RYR2: variants seen among roughly 807,000 people sequenced by gnomAD.
The protein encoded by RYR2 is cardiac muscle ryanodine receptor-calcium release channel.
Under a neutral mutation model 601.1 loss-of-function variants are expected in RYR2, and 227 were observed. The ratio of observed to expected loss-of-function variants is 0.38; its 90% CI spans 0.34 to 0.42. The LOEUF is 0.42. Among genes scored for constraint, RYR2 ranks in the 10% least tolerant of loss-of-function variants. RYR2 has a pLI of 1.00. For synonymous variants in RYR2, 2,223 were observed against 2,175.1 expected, an observed-to-expected ratio of 1.02 and a Z score of -0.61; for missense variants, 4,646 against 6,156.5, an observed-to-expected ratio of 0.75 and a Z score of 8.21.
Position 237,265,850 on chromosome 1 carries a change from A to G in RYR2, c.49-4647A>G, listed in dbSNP as rs542389307. 9.2e-5 allele frequency among the ~76,000 whole-genome samples: 14 copies of G among 152,328 alleles called. No individual in the cohort carries two copies. In the South Asian group the frequency reaches 2.9e-3, roughly 32 times the overall value. ...AAATTGATGGATTGGAAAAGTGTTG[A>G]TGGAGTAGAATCCACAGGACTTGGT... On this transcript the variant is annotated intron_variant, in intron 1 of 104. Coordinates refer to ENST00000366574, the MANE Select transcript of RYR2 (RefSeq NM_001035.3).
chr1:237,358,392 C>T (rs1438781375), intron 4 of RYR2, among the ~76,000 whole-genome samples: 2 of 152,016 alleles, frequency 1.3e-5, no homozygotes, highest in East Asian at 1.9e-4. Flanking sequence ...GTCTGCCACT[C>T]TCAGGTGCTG....
At chr1:237,153,124 T>C (rs1415377985) in intron 1 of RYR2, among the ~76,000 whole-genome samples, 1 of 152,140 alleles carries the variant, frequency 6.6e-6, no homozygotes, top group Non-Finnish European at 1.5e-5. Flanking sequence ...CCAATTAGGA[T>C]GCTCTTGCAT....
intron 48 of RYR2, among the ~76,000 whole-genome samples, chr1:237,647,711 G>T (rs541729379): frequency 2.0e-5 from 3 of 152,266 alleles, no homozygotes; most frequent in East Asian, 3.9e-4. Flanking sequence ...ACAGTGTGTG[G>T]TCAGCACCAG....
In RYR2 at chr1:237,581,485, A is replaced by T. The variant is rs1673909714; in HGVS notation, c.3599-8308A>T. Among the ~76,000 whole-genome samples the T allele has an allele frequency of 4.6e-5, 7 of 152,200 alleles. No individual in the cohort carries two copies. The South Asian group carries it at 1.5e-3, about 32-fold the overall frequency. On this transcript the variant is annotated intron_variant, in intron 29 of 104. Transcript: ENST00000366574. ...CTGTAGACAGAAAAGAAAATAAAAA[A>T]GAGAGGCAGGGAAAACTTTCCATTA...
chr1:237,130,836 G>A (rs1261240806), intron 1 of RYR2, among the ~76,000 whole-genome samples: 1 of 152,120 alleles, frequency 6.6e-6, no homozygotes, highest in Non-Finnish European at 1.5e-5. Flanking sequence ...TTATTTATAT[G>A]ATCAATTTTT....
intron 1 of RYR2, among the ~76,000 whole-genome samples, chr1:237,062,067 T>C (rs1015355377): frequency 2.6e-5 from 4 of 152,220 alleles, no homozygotes; most frequent in African/African-American, 9.6e-5. Flanking sequence ...ATCTATTACT[T>C]GACTCTCTTT....
At chr1:237,596,329 A>T (rs1675890147) in intron 34 of RYR2, among the ~76,000 whole-genome samples, 1 of 152,208 alleles carries the variant, frequency 6.6e-6, no homozygotes, top group African/African-American at 2.4e-5. Flanking sequence ...TCTGAATGAG[A>T]TATTCAATGA....
At chr1:237,708,610 C>A in intron 68 of RYR2, among the ~76,000 whole-genome samples, 1 of 151,694 alleles carries the variant, frequency 6.6e-6, no homozygotes, top group East Asian at 1.9e-4. Context: ...TCTTTTTTTT[C>A]ATTCTAAATT....
chr1:237,682,751 A>G (rs1198177550), intron 62 of RYR2, among the ~76,000 whole-genome samples: 1 of 152,184 alleles, frequency 6.6e-6, no homozygotes, highest in African/African-American at 2.4e-5. Context: ...CTAATAGAAA[A>G]AGCGTTGGTA....
chr1:237,058,272 G>A (rs1180818748), intron 1 of RYR2, among the ~76,000 whole-genome samples: 2 of 152,192 alleles, frequency 1.3e-5, no homozygotes, highest in African/African-American at 2.4e-5. Flanking sequence ...TGATTCTGCT[G>A]GTAGTGACTG....
intron 61 of RYR2, 47 bp from the exon 62 acceptor site, chr1:237,680,409 C>T: frequency 1.9e-6 from 3 of 1,571,136 alleles, no homozygotes; most frequent in Non-Finnish European, 2.6e-6. Flanking sequence ...CATTCATCCC[C>T]TGAAAGATTC....
At chr1:237,101,116 T>A (rs1466749297) in intron 1 of RYR2, among the ~76,000 whole-genome samples, 1 of 152,154 alleles carries the variant, frequency 6.6e-6, no homozygotes, top group Non-Finnish European at 1.5e-5. Context: ...CTAATGGCTC[T>A]GCTGTCTCAG....
chr1:237,242,790 C>T (rs899960994), intron 1 of RYR2, among the ~76,000 whole-genome samples: 1 of 152,106 alleles, frequency 6.6e-6, no homozygotes, highest in East Asian at 1.9e-4. Context: ...GTTGTCAATG[C>T]TGTGTTGATT....
chr1:237,769,972 A>C lies in RYR2; in HGVS notation c.11477-835A>C, dbSNP rs559869870. ...AGTAACTTGTGATCAAGATACCTTT[A>C]AATTGAAATACAAGTAAACTGAGCC... On this transcript the variant is annotated intron_variant, in intron 84 of 104. Transcript: ENST00000366574. 1.2e-4 allele frequency among the ~76,000 whole-genome samples: 18 copies of C among 152,280 alleles called. No homozygotes were observed. The East Asian group carries it at 3.3e-3, about 28-fold the overall frequency.
intron 2 of RYR2, among the ~76,000 whole-genome samples, chr1:237,305,814 G>A (rs1195975395): frequency 6.6e-6 from 1 of 152,200 alleles, no homozygotes; most frequent in African/African-American, 2.4e-5. Flanking sequence ...GTTGTGGAGA[G>A]ACACAGAAAG....
Position 237,413,873 on chromosome 1 carries a change from T to C in RYR2, c.774-3176T>C, listed in dbSNP as rs1271943982. On this transcript the variant is annotated intron_variant, in intron 10 of 104. Transcript: ENST00000366574. ...ATTAAAGGATTGCAGATTAAAAGTG[T>C]TCAAAGTTTACCTGTGAATCATAGA... Among the ~76,000 whole-genome samples the C allele has an allele frequency of 2.0e-5, 3 of 152,132 alleles. No individual in the cohort carries two copies. The East Asian group carries it at 5.8e-4, about 29-fold the overall frequency.
intron 85 of RYR2, among the ~76,000 whole-genome samples, chr1:237,771,205 C>G (rs1694244604): frequency 6.6e-6 from 1 of 151,796 alleles, no homozygotes; most frequent in South Asian, 2.1e-4. Flanking sequence ...CCTAGGAGTC[C>G]CAATATCAGC....
At chr1:237,642,919 A>G (rs1373016869) in intron 47 of RYR2, among the ~76,000 whole-genome samples, 1 of 152,226 alleles carries the variant, frequency 6.6e-6, no homozygotes, top group African/African-American at 2.4e-5. Context: ...TTGGTCATAA[A>G]TATTAGTATA....
intron 1 of RYR2, among the ~76,000 whole-genome samples, chr1:237,122,262 T>C (rs967451071): frequency 6.6e-6 from 1 of 152,178 alleles, no homozygotes; most frequent in African/African-American, 2.4e-5. Context: ...GCTTGCTGAT[T>C]TGAAGTGAAA....
Sources: gnomAD v4.1 joint callset for allele counts (sites outside exome capture counted in the v4.1 genomes callset) on GRCh38, gnomAD v4.1.1 for gene constraint, MANE v1.5 for transcripts, NCBI Gene and HGNC (gene_info 2026-07-23, HGNC 2026-07-21) for gene names.